Variants in PRKAA2 observed in about 807,000 individuals in gnomAD.
The protein encoded by PRKAA2 is protein kinase AMP-activated catalytic subunit alpha 2, also known as 5'-AMP-activated protein kinase catalytic subunit alpha-2.
A neutral mutation model predicts 56.3 loss-of-function variants in PRKAA2; 40 were observed. That is an observed-to-expected ratio of 0.71 (90% CI 0.55 to 0.92). PRKAA2 has a LOEUF of 0.92. PRKAA2 is among the 40% of genes least tolerant of loss of function. The probability of loss-of-function intolerance (pLI) is 0.00; values close to 1 mark genes in which losing one functional copy is unlikely to be tolerated. For synonymous variants in PRKAA2, 214 were observed against 234.2 expected (o/e 0.91, Z 0.79); for missense variants, 542 against 686.9 (o/e 0.79, Z 2.36).
intron 1 of PRKAA2, among the ~76,000 whole-genome samples, chr1:56,664,841 CATAAGT>C (rs1434089251): frequency 7.1e-6 from 1 of 141,482 alleles, no homozygotes; most frequent in Non-Finnish European, 1.5e-5. Context: ...CACATGTATG[CATAAGT>C]ATATGTGTAC....
intron 7 of PRKAA2, 119 bp from the exon 8 acceptor site, chr1:56,705,973 T>A: frequency 2.4e-6 from 2 of 834,712 alleles, no homozygotes; most frequent in Non-Finnish European, 1.8e-6. Flanking sequence ...ACCAGTAATA[T>A]AAAAAAATTA....
In PRKAA2 at chr1:56,650,082, G is replaced by A. The variant is rs1467640381; in HGVS notation, c.94+4601G>A. 4.6e-5 allele frequency among the ~76,000 whole-genome samples: 7 copies of A among 151,740 alleles called. No individual in the cohort carries two copies. In the South Asian group the frequency reaches 1.2e-3, roughly 27 times the overall value. ...TGCACTCCAGCCTGGGTGACAGAGC[G>A]AGACTCCGTCTTAAAAAAAAAAAGA... On this transcript the variant is annotated intron_variant, in intron 1 of 8. Coordinates refer to ENST00000371244, the MANE Select transcript of PRKAA2 (RefSeq NM_006252.4).
At chr1:56,677,979 A>G (rs956448629) in intron 2 of PRKAA2, among the ~76,000 whole-genome samples, 3 of 152,118 alleles carry the variant, frequency 2.0e-5, no homozygotes, top group Admixed American at 6.6e-5. Context: ...TTTTGATGTC[A>G]TATTTATCAG....
intron 1 of PRKAA2, among the ~76,000 whole-genome samples, chr1:56,659,247 C>A (rs910024269): frequency 1.3e-4 from 20 of 151,604 alleles, no homozygotes; most frequent in Non-Finnish European, 2.8e-4. Context: ...GTAATCCTAG[C>A]ACTTAGGGAG....
chr1:56,645,361 G>A lies in PRKAA2; in HGVS notation c.-27G>A, dbSNP rs562930319. ...GCGGCGGCTACGCGGAGCGGCAGGCGGTGGAGCGAGGCCGCGCGCGCCGAA... is the reference window on the plus strand; with the variant it reads ...GCGGCGGCTACGCGGAGCGGCAGGCAGTGGAGCGAGGCCGCGCGCGCCGAA... On this transcript the variant is annotated 5_prime_UTR_variant, in exon 1 of 9. Coordinates refer to ENST00000371244, the MANE Select transcript of PRKAA2 (RefSeq NM_006252.4). The A allele has an allele frequency of 8.9e-4, 1,291 of 1,443,596 alleles. 10 individuals are homozygous for A. In the East Asian group the frequency reaches 0.013, roughly 14 times the overall value. The allele number at this position is 1,443,596 out of a possible 1,614,324, so 89.4% of individuals were successfully genotyped here.
chr1:56,697,732 A>G (rs1172764342), intron 6 of PRKAA2, among the ~76,000 whole-genome samples: 2 of 152,022 alleles, frequency 1.3e-5, no homozygotes, highest in Non-Finnish European at 2.9e-5. Flanking sequence ...CGAGGCTGAG[A>G]TGGGAAGATT....
intron 5 of PRKAA2, among the ~76,000 whole-genome samples, chr1:56,694,054 A>G (rs957383454): frequency 2.0e-5 from 3 of 152,188 alleles, no homozygotes; most frequent in Non-Finnish European, 4.4e-5. Context: ...TATACTTACG[A>G]AGTTTTCCCC....
chr1:56,657,662 CAA>C (rs1643956888), intron 1 of PRKAA2, among the ~76,000 whole-genome samples: 12 of 151,712 alleles, frequency 7.9e-5, no homozygotes, highest in Non-Finnish European at 1.5e-5. Flanking sequence ...GGTGACAGAG[CAA>C]GACTCCATCT....
chr1:56,655,280 A>ATATTTTTTTTTTTTT, intron 1 of PRKAA2, among the ~76,000 whole-genome samples: 2 of 93,678 alleles, frequency 2.1e-5, no homozygotes, highest in African/African-American at 9.1e-5. Context: ...ATATATATAT[A>ATATTTTTTTTTTTTT]TTTTTTTTTT....
rs1644362233 is a variant in PRKAA2, at chr1:56,710,423, C to T, written c.*2710C>T. On this transcript the variant is annotated 3_prime_UTR_variant, in exon 9 of 9. Coordinates refer to ENST00000371244, the MANE Select transcript of PRKAA2 (RefSeq NM_006252.4). Reference sequence around the variant, plus strand: ...TCTTTCTGTGAAAAAAAGAAAGCCACATAACTTTGTTGAACTTTGCCCAAA... The same window carrying T: ...TCTTTCTGTGAAAAAAAGAAAGCCATATAACTTTGTTGAACTTTGCCCAAA... 1 of 152,060 alleles carries T rather than the reference C, an allele frequency of 6.6e-6. No homozygotes were observed. Among genetic ancestry groups the T allele is most frequent in the Non-Finnish European group, 1.5e-5 (1 of 67,964 alleles). The allele number at this position is 152,060 out of a possible 1,614,324, so 9.4% of individuals were successfully genotyped here.
intron 6 of PRKAA2, 150 bp downstream of exon 6, chr1:56,696,309 A>G (rs1464690253): frequency 4.5e-6 from 3 of 666,384 alleles, no homozygotes; most frequent in East Asian, 5.5e-5. Flanking sequence ...TTGTTTCTCA[A>G]ACCTAACATA....
At chr1:56,679,403 TTC>T (rs759315088) in intron 2 of PRKAA2, among the ~76,000 whole-genome samples, 1 of 152,200 alleles carries the variant, frequency 6.6e-6, no homozygotes, top group Non-Finnish European at 1.5e-5. Context: ...AGCTAAACTT[TTC>T]TCTCTCTTCC....
intron 1 of PRKAA2, among the ~76,000 whole-genome samples, chr1:56,666,425 G>A (rs1021546697): frequency 7.2e-5 from 11 of 152,204 alleles, no homozygotes; most frequent in Non-Finnish European, 1.6e-4. Flanking sequence ...TTGGTGGAAT[G>A]AGTTGGGGAA....
intron 6 of PRKAA2, among the ~76,000 whole-genome samples, chr1:56,696,720 G>A (rs1052746367): frequency 6.6e-6 from 1 of 152,220 alleles, no homozygotes; most frequent in African/African-American, 2.4e-5. Context: ...AAAAAGTTTT[G>A]CTAAGTTTTT....
chr1:56,666,460 A>G (rs1644036859), intron 1 of PRKAA2, among the ~76,000 whole-genome samples: 1 of 152,186 alleles, frequency 6.6e-6, no homozygotes, highest in African/African-American at 2.4e-5. Flanking sequence ...GGGAATGCTT[A>G]CTGAAAGACG....
At position 56,707,760 on chromosome 1, in the gene PRKAA2, A is replaced by G. The variant is rs376500875; in HGVS notation, c.*47A>G. On this transcript the variant is annotated 3_prime_UTR_variant, in exon 9 of 9. Transcript: ENST00000371244. Reference sequence around the variant, plus strand: ...TTATTGCACTATGAAAATCAGTTATATTCTTTAAATTTTTATCTTACTTTT... The same window carrying G: ...TTATTGCACTATGAAAATCAGTTATGTTCTTTAAATTTTTATCTTACTTTT... 3.4e-6 allele frequency: 5 copies of G among 1,463,940 alleles called. No individual in the cohort carries two copies. The African/African-American group carries it at 7.1e-5, about 21-fold the overall frequency. The allele number at this position is 1,463,940 out of a possible 1,614,324, so 90.7% of individuals were successfully genotyped here.
In PRKAA2 at chr1:56,696,264, C is replaced by G. The variant is rs1031890373; in HGVS notation, c.788+105C>G. On this transcript the variant is annotated intron_variant, in intron 6 of 8. Transcript: ENST00000371244. ...CATTTCCTGCCCTCACCACCTCACCCCAGTACTCATGCTTCAGCCACATTG... is the reference window on the plus strand; with the variant it reads ...CATTTCCTGCCCTCACCACCTCACCGCAGTACTCATGCTTCAGCCACATTG... 6.0e-6 allele frequency: 6 copies of G among 1,003,652 alleles called. No homozygotes were observed. The African/African-American group carries it at 6.5e-5, about 11-fold the overall frequency. 62.2% of individuals were successfully genotyped at this position (1,003,652 alleles called of 1,614,324 possible).
At chr1:56,662,717 A>G (rs945202383) in intron 1 of PRKAA2, among the ~76,000 whole-genome samples, 2 of 152,196 alleles carry the variant, frequency 1.3e-5, no homozygotes, top group East Asian at 1.9e-4. Context: ...TCTTTTTTAC[A>G]TGAGTAACTA....
chr1:56,647,391 T>G (rs987254348), intron 1 of PRKAA2, among the ~76,000 whole-genome samples: 12 of 152,240 alleles, frequency 7.9e-5, no homozygotes, highest in African/African-American at 2.7e-4. Flanking sequence ...GCTTGTCTTT[T>G]TAAGTTCATA....
Sources: allele counts gnomAD v4.1 joint callset (sites outside exome capture counted in the v4.1 genomes callset), GRCh38; gene constraint gnomAD v4.1.1; transcripts MANE v1.5; gene names NCBI Gene and HGNC (gene_info 2026-07-23, HGNC 2026-07-21).